COL4A6: variants seen among roughly 807,000 people sequenced by gnomAD.
COL4A6 encodes collagen type IV alpha 6 chain.
Under a neutral mutation model 126.7 loss-of-function variants are expected in COL4A6, and 59 were observed. The observed-to-expected ratio is 0.47, with a 90% CI of 0.38 to 0.58. The LOEUF is 0.58. Among genes scored for constraint, COL4A6 ranks in the 20% least tolerant of loss-of-function variants. The pLI is 0.00. For synonymous variants in COL4A6, 547 were observed against 496.6 expected (o/e 1.10, Z -1.35); for missense variants, 1,285 against 1,337.3 (o/e 0.96, Z 0.61).
rs780773149 is a variant in COL4A6 at position 108,334,923 on chromosome X, C to T, written c.64-24095G>A. On this transcript the variant is annotated intron_variant, in intron 2 of 44. Transcript: ENST00000334504. ...TTAACTCCTTTCACTGTCATTTTCC[C>T]TTTCAGCTCAAATACTATATGGTAC... 2.7e-5 allele frequency among the ~76,000 whole-genome samples: 3 copies of T among 111,722 alleles called. No homozygotes were observed. In the South Asian group the frequency reaches 1.1e-3, roughly 42 times the overall value.
At chrX:108,328,170 T>C (rs2039208013) in intron 2 of COL4A6, among the ~76,000 whole-genome samples, 1 of 111,658 alleles carries the variant, frequency 9.0e-6, no homozygotes, top group African/African-American at 3.3e-5. Context: ...AAGTACAGTA[T>C]GCATAAGAAA....
chrX:108,266,595 G>C (rs1416948999), intron 3 of COL4A6, among the ~76,000 whole-genome samples: 1 of 111,330 alleles, frequency 9.0e-6, no homozygotes, highest in Non-Finnish European at 1.9e-5. Flanking sequence ...GTTCACTAAT[G>C]GTAATTTGTT....
rs142121908 is a variant in COL4A6 at position 108,187,883 on chromosome X, C to T, written c.1732G>A (p.Gly578Arg). ...RGVIGEPGKD[G>R]VPGLPGLPGL... ...GGCAGACCTGGTAAACCTGGTACTCCGTCCTTGCCTGGTTCTCCTATTACA... is the reference window on the plus strand; with the variant it reads ...GGCAGACCTGGTAAACCTGGTACTCTGTCCTTGCCTGGTTCTCCTATTACA... Residue 578 changes from glycine to arginine, a missense_variant, in exon 22 of 45, where the codon GGA (glycine) becomes AGA (arginine). Gly to Arg is a moderately radical substitution (Grantham distance 125). Coordinates refer to ENST00000334504, the MANE Select transcript of COL4A6 (RefSeq NM_033641.4). 2.1e-5 allele frequency: 25 copies of T among 1,206,341 alleles called. No individual in the cohort carries two copies. The highest frequency in any genetic ancestry group is 1.8e-4 in the South Asian group (10 of 55,929).
chrX:108,420,880 G>T (rs1157445038), intron 2 of COL4A6, among the ~76,000 whole-genome samples: 2 of 111,889 alleles, frequency 1.8e-5, no homozygotes, highest in African/African-American at 6.5e-5. Flanking sequence ...TTTAGTAGCA[G>T]AATGAGCAAA....
At chrX:108,209,837 C>A in intron 8 of COL4A6, 132 bp downstream of exon 8, 1 of 608,619 alleles carries the variant, frequency 1.6e-6, no homozygotes, top group East Asian at 3.5e-5. Flanking sequence ...ATACTGTGAC[C>A]CATTCTACTT....
At chrX:108,358,343 C>T (rs1326569556) in intron 2 of COL4A6, among the ~76,000 whole-genome samples, 1 of 110,878 alleles carries the variant, frequency 9.0e-6, no homozygotes, top group Non-Finnish European at 1.9e-5. Flanking sequence ...TATGGCTCTA[C>T]CTTGCTTTAG....
At chrX:108,326,498 C>G (rs1312551957) in intron 2 of COL4A6, among the ~76,000 whole-genome samples, 1 of 111,577 alleles carries the variant, frequency 9.0e-6, no homozygotes, top group Non-Finnish European at 1.9e-5. Context: ...TAGCATAGCC[C>G]AAACAACTTA....
rs372504675 is a variant in COL4A6, at chrX:108,221,350, G to T, written c.169C>A (p.Gln57Lys). 1 of 1,211,578 alleles carries T rather than the reference G, an allele frequency of 8.3e-7. No individual in the cohort carries two copies. The highest frequency in any genetic ancestry group is 3.0e-5 in the East Asian group (1 of 33,814). Residue 57 changes from glutamine (Q) to lysine (K), a missense_variant, in exon 4 of 45, where the codon CAA becomes AAA. Transcript: ENST00000334504. ...ARGRPGPIGI[Q>K]GPTGPQGFTG... The stretch of plus-strand genomic sequence containing the variant: ...AATCCTTGAGGACCTGTTGGGCCTT[G>T]AATTCCAATTGGTCCAGGTCGTCCC...
At chrX:108,344,263 C>T (rs1266247163) in intron 2 of COL4A6, among the ~76,000 whole-genome samples, 4 of 110,643 alleles carry the variant, frequency 3.6e-5, no homozygotes, top group Non-Finnish European at 5.7e-5. Flanking sequence ...GGAAGCAAAC[C>T]GAAGCTTTAA....
At chrX:108,400,523 G>C (rs1479784418) in intron 2 of COL4A6, among the ~76,000 whole-genome samples, 1 of 111,578 alleles carries the variant, frequency 9.0e-6, no homozygotes, top group Non-Finnish European at 1.9e-5. Context: ...ATACAGCAGG[G>C]TGAAACTGCT....
At chrX:108,328,834 G>C (rs995842729) in intron 2 of COL4A6, among the ~76,000 whole-genome samples, 1 of 112,085 alleles carries the variant, frequency 8.9e-6, no homozygotes, top group Non-Finnish European at 1.9e-5. Context: ...TCATTGGATG[G>C]ATGGATAAAT....
At chrX:108,431,220 T>C (rs2064169307) in intron 2 of COL4A6, among the ~76,000 whole-genome samples, 1 of 111,968 alleles carries the variant, frequency 8.9e-6, no homozygotes, top group Admixed American at 9.5e-5. Context: ...TCAATAAATA[T>C]TTGTTGAATT....
At chrX:108,236,760 A>G (rs1386704865) in intron 3 of COL4A6, among the ~76,000 whole-genome samples, 1 of 111,585 alleles carries the variant, frequency 9.0e-6, no homozygotes, top group African/African-American at 3.3e-5. Flanking sequence ...TGGGCCTACC[A>G]ACTCCTCTCT....
intron 13 of COL4A6, among the ~76,000 whole-genome samples, chrX:108,202,645 T>C (rs777615322): frequency 1.6e-4 from 18 of 111,967 alleles, no homozygotes; most frequent in Non-Finnish European, 3.2e-4. Context: ...CTTATCCAGG[T>C]TCACATAGTT....
At chrX:108,312,979 T>C (rs755519770) in intron 2 of COL4A6, among the ~76,000 whole-genome samples, 1 of 111,053 alleles carries the variant, frequency 9.0e-6, no homozygotes, top group African/African-American at 3.3e-5. Flanking sequence ...AATCAGAAGC[T>C]AAGGTTTCTT....
intron 26 of COL4A6, 27 bp downstream of exon 26, chrX:108,179,190 T>C (rs1170645586): frequency 1.7e-6 from 2 of 1,172,229 alleles, no homozygotes; most frequent in Non-Finnish European, 2.3e-6. Context: ...CTGTAGATTG[T>C]TAAATAATTG....
At chrX:108,242,755 C>T (rs1396193044) in intron 3 of COL4A6, among the ~76,000 whole-genome samples, 1 of 110,725 alleles carries the variant, frequency 9.0e-6, no homozygotes, top group Non-Finnish European at 1.9e-5. Context: ...ATGTGCATGG[C>T]ACCTGAGTGA....
Position 108,365,324 on chromosome X carries a change from A to C in COL4A6, c.64-54496T>G, listed in dbSNP as rs747929756. 4.5e-5 allele frequency among the ~76,000 whole-genome samples: 5 copies of C among 112,149 alleles called. No homozygotes were observed. The South Asian group carries it at 1.9e-3, about 42-fold the overall frequency. ...CTAGTGCTGTGTCTGAAATAAGAGT[A>C]ATGTTTATAAAATATTGAAGGATAG... On this transcript the variant is annotated intron_variant, in intron 2 of 44. Transcript: ENST00000334504.
At chrX:108,209,079 G>A (rs1472949670) in intron 8 of COL4A6, among the ~76,000 whole-genome samples, 4 of 112,000 alleles carry the variant, frequency 3.6e-5, no homozygotes, top group Non-Finnish European at 7.5e-5. Flanking sequence ...TTTGCCCTAG[G>A]GAATATGTAT....
Sources: gnomAD v4.1 joint callset for allele counts (sites outside exome capture counted in the v4.1 genomes callset) on GRCh38, gnomAD v4.1.1 for gene constraint, MANE v1.5 for transcripts, NCBI Gene and HGNC (gene_info 2026-07-23, HGNC 2026-07-21) for gene names.